The following SPEN variants were observed in gnomAD, a reference collection of about 807,000 sequenced individuals.
SPEN encodes spen family transcriptional repressor.
SPEN carries 18 observed loss-of-function variants against 269.9 expected under a neutral mutation model. That is an observed-to-expected ratio of 0.07 (90% confidence interval 0.05 to 0.10). The LOEUF (loss-of-function observed/expected upper bound fraction) is 0.10. Among genes scored for constraint, SPEN ranks in the 10% least tolerant of loss-of-function variants. SPEN has a pLI of 1.00. For missense variants in SPEN, 3,822 were observed against 4,631.2 expected (o/e 0.83, Z 5.07); for synonymous variants, 1,726 against 1,765.7 (o/e 0.98, Z 0.56).
chr1:15,879,530 TG>T (rs1263246529), intron 3 of SPEN, among the ~76,000 whole-genome samples: 3 of 152,112 alleles, frequency 2.0e-5, no homozygotes, highest in African/African-American at 7.2e-5. Flanking sequence ...AAAATCTGCC[TG>T]GGGAGTAAAT....
chr1:15,929,275 C>T lies in SPEN; in HGVS notation c.3035C>T (p.Ala1012Val), dbSNP rs770685508. Residue 1012 changes from alanine (A) to valine (V), a missense_variant, in exon 11 of 15, where the codon GCT becomes GTT. Physicochemically the swap from Ala to Val is moderately conservative, Grantham distance 64. This residue lies in a region of SPEN where 572 missense variants were observed against 582.6 expected (regional missense o/e 0.98). Coordinates refer to ENST00000375759, the MANE Select transcript of SPEN (RefSeq NM_015001.3). The surrounding 1 kb of genome is among the most constrained non-coding windows in gnomAD (Gnocchi z 5.8). ...AAAAGCAGTCCAGAGATGGAGGATG[C>T]TCGCGTGCTTTCAAAAAAGCAGCCT... ...VKKSSPEMEDARVLSKKQPDV... is the reference protein window; with the variant it reads ...VKKSSPEMEDVRVLSKKQPDV... 5 of 1,614,056 alleles carry T rather than the reference C, an allele frequency of 3.1e-6. No individual in the cohort carries two copies. Among genetic ancestry groups the T allele is most frequent in the Non-Finnish European group, 4.2e-6 (5 of 1,180,034 alleles).
intron 3 of SPEN, among the ~76,000 whole-genome samples, chr1:15,899,119 C>T (rs933072353): frequency 6.6e-6 from 1 of 152,090 alleles, no homozygotes; most frequent in African/African-American, 2.4e-5. Flanking sequence ...TTTACTTTCC[C>T]GTCAGTAATG....
intron 3 of SPEN, among the ~76,000 whole-genome samples, chr1:15,907,850 T>A (rs1015101043): frequency 6.6e-6 from 1 of 152,240 alleles, no homozygotes; most frequent in Non-Finnish European, 1.5e-5. Context: ...ATAAAGTTTT[T>A]TTCTATGAAC....
intron 4 of SPEN, among the ~76,000 whole-genome samples, chr1:15,910,627 G>GTT (rs568465031): frequency 8.5e-5 from 12 of 141,810 alleles, no homozygotes; most frequent in South Asian, 4.5e-4. Flanking sequence ...ACTGTTTTTT[G>GTT]TTTTTTTTTT....
intron 3 of SPEN, among the ~76,000 whole-genome samples, chr1:15,900,378 G>T (rs12079958): frequency 6.5e-4 from 99 of 152,122 alleles, no homozygotes; most frequent in African/African-American, 2.2e-3. Context: ...TTTCATTGAT[G>T]TAAACCTTAC....
chr1:15,874,938 C>G (rs1276283484), intron 2 of SPEN, among the ~76,000 whole-genome samples: 2 of 152,080 alleles, frequency 1.3e-5, no homozygotes, highest in African/African-American at 4.8e-5. Context: ...GTGGAGAGAC[C>G]TGGAATCTAA....
chr1:15,906,384 C>T (rs1283379169), intron 3 of SPEN, among the ~76,000 whole-genome samples: 1 of 151,500 alleles, frequency 6.6e-6, no homozygotes, highest in African/African-American at 2.4e-5. Context: ...GTTTATTTTC[C>T]TACATTTCAA....
chr1:15,872,982 A>G lies in SPEN; in HGVS notation c.250A>G (p.Ile84Val). 1 of 1,614,172 alleles carries G rather than the reference A, an allele frequency of 6.2e-7. No homozygotes were observed. The highest frequency in any genetic ancestry group is 8.5e-7 in the Non-Finnish European group (1 of 1,180,044). ...LRTDYNEPGT[I>V]PSAARGLDDT... ...CACGGATTATAATGAACCAGGCACC[A>G]TCCCGAGTGCTGCTCGGGGATTGGA... Residue 84 changes from isoleucine to valine, a missense_variant, in exon 2 of 15, where the codon ATC (isoleucine) becomes GTC (valine). Ile to Val is a conservative substitution (Grantham distance 29, BLOSUM62 3). Transcript: ENST00000375759.
Position 15,916,219 on chromosome 1 carries a change from T to A in SPEN, c.1335T>A (p.Leu445=). 6.2e-7 allele frequency: 1 copy of A among 1,613,998 alleles called. No individual in the cohort carries two copies. The highest frequency in any genetic ancestry group is 8.5e-7 in the Non-Finnish European group (1 of 1,179,968). Residue 445 remains leucine, a synonymous_variant, in exon 6 of 15, where the codon CTT becomes CTA. Transcript: ENST00000375759. The stretch of plus-strand genomic sequence containing the variant: ...CAAGAACTCTCTTTATTGGCAACCT[T>A]GAAAAAACCACTACTTACCATGACC... ...KATRTLFIGN[L]EKTTTYHDLR...
chr1:15,908,574 C>T (rs1203244553), intron 3 of SPEN, among the ~76,000 whole-genome samples: 2 of 152,132 alleles, frequency 1.3e-5, no homozygotes, highest in Non-Finnish European at 2.9e-5. Context: ...AGGCGCACGC[C>T]ACCACACCCA....
Position 15,890,207 on chromosome 1 carries a change from A to G in SPEN, c.881+13529A>G, listed in dbSNP as rs79089964. On this transcript the variant is annotated intron_variant, in intron 3 of 14. Coordinates refer to ENST00000375759, the MANE Select transcript of SPEN (RefSeq NM_015001.3). ...TAGAAATATATGCTAAGATGAGGGC[A>G]GTAAAACATTTTCTTACAAATAGGT... Among the ~76,000 whole-genome samples, 1,010 of 152,360 alleles carry G rather than the reference A, an allele frequency of 6.6e-3. 13 individuals are homozygous for G. The highest frequency in any genetic ancestry group is 0.024 in the African/African-American group (980 of 41,576).
intron 11 of SPEN, 124 bp downstream of exon 11, chr1:15,936,390 C>T (rs2071275484): frequency 7.4e-7 from 1 of 1,351,688 alleles, no homozygotes; most frequent in Non-Finnish European, 9.5e-7. Flanking sequence ...CCTGTAATCC[C>T]AGCACTGTGG....
intron 6 of SPEN, among the ~76,000 whole-genome samples, chr1:15,917,532 G>A (rs1172740972): frequency 2.0e-5 from 3 of 152,142 alleles, no homozygotes; most frequent in Non-Finnish European, 2.9e-5. Context: ...TGGGATTACA[G>A]GCGCCCGCCA....
intron 3 of SPEN, among the ~76,000 whole-genome samples, chr1:15,884,292 T>C (rs541663204): frequency 2.0e-5 from 3 of 152,370 alleles, no homozygotes; most frequent in East Asian, 3.9e-4. Context: ...TTAGATATTA[T>C]AGTTTCTTTC....
chr1:15,934,884 A>G lies in SPEN; in HGVS notation c.8644A>G (p.Thr2882Ala), dbSNP rs756318550. ...TCCTGCAGGCTATGCGAACGTGGCC[A>G]CCCATTCCACGTTGGTACTGACCGC... ...QAPAGYANVA[T>A]HSTLVLTAQT... Residue 2882 changes from threonine to alanine, a missense_variant, in exon 11 of 15, where the codon ACC (threonine) becomes GCC (alanine). This residue lies in a region of SPEN where 329 missense variants were observed against 431.2 expected (regional missense o/e 0.76). Transcript: ENST00000375759. This position sits in a 1 kb window ranked among gnomAD's most constrained non-coding sequence, Gnocchi z 9.2. The G allele has an allele frequency of 2.5e-6, 4 of 1,613,994 alleles. No homozygotes were observed. Among genetic ancestry groups the G allele is most frequent in the Non-Finnish European group, 3.4e-6 (4 of 1,179,998 alleles).
At chr1:15,906,773 CTTTTT>C (rs1229092780) in intron 3 of SPEN, among the ~76,000 whole-genome samples, 1 of 96,508 alleles carries the variant, frequency 1.0e-5, no homozygotes. Flanking sequence ...ATGTTTTCAT[CTTTTT>C]TTTTTTTTTT....
At chr1:15,904,477 AGTG>A (rs1210806129) in intron 3 of SPEN, among the ~76,000 whole-genome samples, 510 of 137,054 alleles carry the variant, frequency 3.7e-3, no homozygotes, top group Admixed American at 5.1e-3. Context: ...AAAAAAAAAA[AGTG>A]AACTAAAAAC....
At chr1:15,920,341 T>G (rs1161897432) in intron 8 of SPEN, among the ~76,000 whole-genome samples, 1 of 152,202 alleles carries the variant, frequency 6.6e-6, no homozygotes, top group Non-Finnish European at 1.5e-5. Flanking sequence ...AGTGCTGAGA[T>G]TACAGGCACT....
intron 3 of SPEN, among the ~76,000 whole-genome samples, chr1:15,885,858 CCA>C (rs1557743161): frequency 6.6e-6 from 1 of 152,140 alleles, no homozygotes; most frequent in African/African-American, 2.4e-5. Context: ...ACTGAAGAGC[CCA>C]CAGTTTGGAA....
Sources: gnomAD v4.1 joint callset for allele counts (sites outside exome capture counted in the v4.1 genomes callset) on GRCh38, gnomAD v4.1.1 for gene constraint, gnomAD v4.1.1 regional missense constraint, Gnocchi (gnomAD v3.1) non-coding constraint, MANE v1.5 for transcripts, NCBI Gene and HGNC (gene_info 2026-07-23, HGNC 2026-07-21) for gene names.